Variants in RYK observed in about 807,000 individuals in gnomAD.
RYK encodes the protein inactive tyrosine-protein kinase RYK.
Under a neutral mutation model 70.2 loss-of-function variants are expected in RYK, and 21 were observed. That is an observed-to-expected ratio of 0.30 (90% confidence interval 0.21 to 0.43). The LOEUF (loss-of-function observed/expected upper bound fraction) is 0.43. Ranked by LOEUF, RYK falls within the 20% of genes least tolerant of loss-of-function variation. RYK has a pLI of 1.00. For missense variants in RYK, 604 were observed against 753.3 expected (o/e 0.80, Z 2.32); for synonymous variants, 267 against 278.0 (o/e 0.96, Z 0.39).
chr3:134,169,429 A>G (rs772866600), intron 13 of RYK, among the ~76,000 whole-genome samples: 32 of 152,226 alleles, frequency 2.1e-4, no homozygotes, highest in Non-Finnish European at 4.1e-4. Flanking sequence ...TTATGGTGGT[A>G]TCCACATCTG....
At chr3:134,158,578 C>A (rs1234376045) in intron 14 of RYK, among the ~76,000 whole-genome samples, 1 of 152,104 alleles carries the variant, frequency 6.6e-6, no homozygotes, top group Non-Finnish European at 1.5e-5. Context: ...AAGAAAAGAA[C>A]TTGGAGGAAG....
At chr3:134,189,209 T>C (rs1296353389) in intron 8 of RYK, among the ~76,000 whole-genome samples, 8 of 152,354 alleles carry the variant, frequency 5.3e-5, no homozygotes, top group South Asian at 2.1e-4. Context: ...GCCAGGAGCA[T>C]TGGAGCTCAG....
intron 1 of RYK, among the ~76,000 whole-genome samples, chr3:134,231,134 T>C (rs1254615169): frequency 6.6e-6 from 1 of 151,158 alleles, no homozygotes; most frequent in African/African-American, 2.4e-5. Context: ...CTAGGAGTTC[T>C]GTAAATTCAA....
chr3:134,213,767 TCCTCATGC>T (rs1172935614), intron 2 of RYK, among the ~76,000 whole-genome samples: 1 of 152,114 alleles, frequency 6.6e-6, no homozygotes, highest in Non-Finnish European at 1.5e-5. Flanking sequence ...AGACATCCCT[TCCTCATGC>T]CCTCATGCAA....
At chr3:134,161,244 A>G (rs928308868) in intron 13 of RYK, among the ~76,000 whole-genome samples, 18 of 152,228 alleles carry the variant, frequency 1.2e-4, no homozygotes, top group African/African-American at 4.3e-4. Flanking sequence ...ACACTATATT[A>G]AACATGAAAT....
chr3:134,187,443 T>G (rs947421129), intron 9 of RYK, among the ~76,000 whole-genome samples: 16 of 152,174 alleles, frequency 1.1e-4, no homozygotes, highest in Non-Finnish European at 2.2e-4. Context: ...TTAGATATTA[T>G]TAGCATGTCT....
intron 1 of RYK, among the ~76,000 whole-genome samples, chr3:134,236,995 C>T (rs953103338): frequency 2.0e-5 from 3 of 152,144 alleles, no homozygotes; most frequent in African/African-American, 7.2e-5. Flanking sequence ...AAAAATGTTG[C>T]TCTCTTGTTA....
Position 134,175,551 on chromosome 3 carries a change from T to C in RYK, c.1575+58A>G, listed in dbSNP as rs559466412. 7.7e-6 allele frequency: 12 copies of C among 1,550,574 alleles called. No homozygotes were observed. The South Asian group carries it at 1.4e-4, about 18-fold the overall frequency. ...CCCAAAAGATAAAAATAGTAGAACA[T>C]TTAAAAACAGAAAGCTGTTTCTCTA... On this transcript the variant is annotated intron_variant, in intron 13 of 14. Coordinates refer to ENST00000623711, the MANE Select transcript of RYK (RefSeq NM_002958.4).
intron 13 of RYK, among the ~76,000 whole-genome samples, chr3:134,161,154 A>G (rs577548872): frequency 4.6e-5 from 7 of 152,352 alleles, no homozygotes; most frequent in Non-Finnish European, 7.4e-5. Flanking sequence ...AGCTAACAAT[A>G]TATCGTGGGG....
chr3:134,193,883 G>T (rs1411934465), intron 7 of RYK, among the ~76,000 whole-genome samples: 1 of 152,140 alleles, frequency 6.6e-6, no homozygotes, highest in Non-Finnish European at 1.5e-5. Flanking sequence ...TCAGATCCAG[G>T]TTAACTTGTA....
At chr3:134,202,479 G>GA (rs960852483) in intron 6 of RYK, 4 of 405,938 alleles carry the variant, frequency 9.9e-6, no homozygotes, top group East Asian at 5.3e-5. Flanking sequence ...AAAGGGAATA[G>GA]AAAAAACTAC....
rs1181905037 is a variant in RYK, at chr3:134,250,532, C to A, written c.123G>T (p.Ala41=). The change falls in exon 1 of 15, where the codon GCG becomes GCT. Residue 41 remains alanine (A), a synonymous_variant. Coordinates refer to ENST00000623711, the MANE Select transcript of RYK (RefSeq NM_002958.4). ...GGGCGGGGGCGGCGGCAGCGCCAGG[C>A]GCGGGCAGCAGCGGCAACAGCGCAA... ...LLLALLPLLP[A]PGAAAAPAPR... is the part of the protein sequence containing the mutation. 2.5e-6 allele frequency: 3 copies of A among 1,193,070 alleles called. No homozygotes were observed. Among genetic ancestry groups the A allele is most frequent in the Non-Finnish European group, 3.1e-6 (3 of 955,314 alleles). 73.9% of individuals were successfully genotyped at this position (1,193,070 alleles called of 1,614,324 possible). A position where few individuals can be genotyped will look rare whatever the true frequency, so the allele number is the denominator to read the frequency against.
chr3:134,242,812 G>A (rs1288006217), intron 1 of RYK, among the ~76,000 whole-genome samples: 3 of 152,172 alleles, frequency 2.0e-5, no homozygotes. Context: ...CAGGGGACAG[G>A]TTTAGCCATA....
intron 5 of RYK, among the ~76,000 whole-genome samples, chr3:134,205,765 T>C (rs998283677): frequency 2.6e-5 from 4 of 152,224 alleles, no homozygotes; most frequent in Non-Finnish European, 5.9e-5. Context: ...GCTTGCCTTA[T>C]CATAGCTTGC....
rs1022084391 is a variant in RYK at position 134,193,464 on chromosome 3, A to T, written c.890-1490T>A. Among the ~76,000 whole-genome samples, 14 of 152,316 alleles carry T rather than the reference A, an allele frequency of 9.2e-5. No homozygotes were observed. The South Asian group carries it at 1.7e-3, about 18-fold the overall frequency. On this transcript the variant is annotated intron_variant, in intron 7 of 14. Coordinates refer to ENST00000623711, the MANE Select transcript of RYK (RefSeq NM_002958.4). ...TCCCAAAGTGGTGGGATTACTGGCA[A>T]GAGCCACCACACCCGGCCCCTTTGA...
chr3:134,205,350 A>G (rs1193952102), intron 5 of RYK, among the ~76,000 whole-genome samples: 2 of 152,226 alleles, frequency 1.3e-5, no homozygotes, highest in African/African-American at 2.4e-5. Flanking sequence ...TAACCTTCCT[A>G]TCAACAAACA....
intron 14 of RYK, among the ~76,000 whole-genome samples, chr3:134,158,981 C>T (rs4280635): frequency 0.46 from 69,302 of 151,968 alleles, 16,974 homozygotes; most frequent in Middle Eastern, 0.65. Flanking sequence ...TTTCTTAGTA[C>T]GTCCTCTCAG....
chr3:134,188,889 T>C lies in RYK; in HGVS notation c.1050A>G (p.Ile350Met). ...TTTCTTTATTTGGATCTTTTTCATCTATTAAAATCCCATGGAAAATACGCC... is the reference window on the plus strand; with the variant it reads ...TTTCTTTATTTGGATCTTTTTCATCCATTAAAATCCCATGGAAAATACGCC... ...TFGRIFHGIL[I>M]DEKDPNKEKQ... The change falls in exon 9 of 15, where the codon ATA becomes ATG. Residue 350 changes from isoleucine to methionine, a missense_variant. Physicochemically the swap from Ile to Met is conservative, Grantham distance 10. Around this residue, in one of 2 missense-constraint regions of RYK, gnomAD observed 466 missense variants for 535.9 expected, o/e 0.87. Coordinates refer to ENST00000623711, the MANE Select transcript of RYK (RefSeq NM_002958.4). 1 of 1,580,894 alleles carries C rather than the reference T, an allele frequency of 6.3e-7. No homozygotes were observed. Among genetic ancestry groups the C allele is most frequent in the Admixed American group, 1.7e-5 (1 of 58,152 alleles).
chr3:134,191,667 T>C (rs1576513025), intron 8 of RYK, among the ~76,000 whole-genome samples, 182 bp downstream of exon 8: 1 of 152,162 alleles, frequency 6.6e-6, no homozygotes, highest in South Asian at 2.1e-4. Flanking sequence ...ACCAAAGTTG[T>C]ACAAGGCCCA....
Sources: allele counts gnomAD v4.1 joint callset (sites outside exome capture counted in the v4.1 genomes callset), GRCh38; gene constraint gnomAD v4.1.1; regional missense constraint gnomAD v4.1.1; transcripts MANE v1.5; gene names NCBI Gene and HGNC (gene_info 2026-07-23, HGNC 2026-07-21).